The following SNTG2 variants were observed in gnomAD, a reference collection of about 807,000 sequenced individuals.
The protein encoded by SNTG2 is syntrophin gamma 2.
In SNTG2, 74 loss-of-function variants were observed where a neutral mutation model predicts 70.9. That is an observed-to-expected ratio of 1.04 (90% confidence interval 0.86 to 1.27). SNTG2 has a LOEUF of 1.27. SNTG2 is among the 50% of genes most tolerant of loss of function. The probability of loss-of-function intolerance (pLI) is 0.00; values close to 1 mark genes in which losing one functional copy is unlikely to be tolerated. For synonymous variants in SNTG2, 278 were observed against 273.8 expected (o/e 1.02, Z -0.15); for missense variants, 717 against 690.7 (o/e 1.04, Z -0.43).
At chr2:1,366,699 G>A (rs1283822127) in intron 16 of SNTG2, among the ~76,000 whole-genome samples, 3 of 151,816 alleles carry the variant, frequency 2.0e-5, no homozygotes, top group African/African-American at 7.3e-5. Flanking sequence ...CCTATTCTGC[G>A]CCACACAGCA....
At chr2:1,293,297 A>G (rs1680065434) in intron 14 of SNTG2, among the ~76,000 whole-genome samples, 1 of 151,886 alleles carries the variant, frequency 6.6e-6, no homozygotes, top group South Asian at 2.1e-4. Context: ...ATATTTTTGA[A>G]GAATCAAGTT....
chr2:1,219,350 G>A lies in SNTG2; in HGVS notation c.719+10120G>A, dbSNP rs576772671. On this transcript the variant is annotated intron_variant, in intron 9 of 16. Coordinates refer to ENST00000308624, the MANE Select transcript of SNTG2 (RefSeq NM_018968.4). The stretch of plus-strand genomic sequence containing the variant: ...TTCCTTATAAATTATCCAGTCTTGC[G>A]TATTTCTCTATGGCAGTGTGAGAAT... 3.8e-4 allele frequency among the ~76,000 whole-genome samples: 51 copies of A among 135,388 alleles called. 1 individual carries two copies. Among genetic ancestry groups the A allele is most frequent in the Admixed American group, 2.5e-3 (35 of 13,806 alleles). The allele number at this position is 135,388 out of a possible 152,430, so 88.8% of individuals were successfully genotyped here.
In SNTG2 at chr2:1,097,541, C is replaced by T. The variant is rs1665475203; in HGVS notation, c.211-655C>T. On this transcript the variant is annotated intron_variant, in intron 2 of 16. Coordinates refer to ENST00000308624, the MANE Select transcript of SNTG2 (RefSeq NM_018968.4). This position sits in a 1 kb window ranked among gnomAD's most constrained non-coding sequence, Gnocchi z 4.1. ...GTCTACCTGAAGTTGGCAACAGTCG[C>T]ATTCATCAGATTAGACCACAGCAAA... Among the ~76,000 whole-genome samples, 1 of 152,200 alleles carries T rather than the reference C, an allele frequency of 6.6e-6. No homozygotes were observed. The highest frequency in any genetic ancestry group is 2.4e-5 in the African/African-American group (1 of 41,456).
intron 8 of SNTG2, among the ~76,000 whole-genome samples, chr2:1,185,170 C>T (rs1672169332): frequency 6.6e-6 from 1 of 152,224 alleles, no homozygotes; most frequent in South Asian, 2.1e-4. Flanking sequence ...CCATGTCTCA[C>T]ATCCAGGCCA....
intron 14 of SNTG2, among the ~76,000 whole-genome samples, chr2:1,302,216 C>T (rs999283344): frequency 1.3e-5 from 2 of 152,146 alleles, no homozygotes; most frequent in African/African-American, 2.4e-5. Context: ...ACCTCAGCCT[C>T]CCAAGGTGCT....
At chr2:1,167,432 C>T (rs1670799375) in intron 7 of SNTG2, among the ~76,000 whole-genome samples, 1 of 144,060 alleles carries the variant, frequency 6.9e-6, no homozygotes. Context: ...CTAGAAGCCG[C>T]CCACAGACGT....
At chr2:1,048,294 C>A (rs1661856410) in intron 1 of SNTG2, among the ~76,000 whole-genome samples, 1 of 152,126 alleles carries the variant, frequency 6.6e-6, no homozygotes. Context: ...ACTAAGACCT[C>A]CTTATGTGGC....
In SNTG2 at chr2:1,098,219, A is replaced by C. The variant is rs1665520485; in HGVS notation, c.234A>C (p.Arg78Ser). 3 of 1,614,072 alleles carry C rather than the reference A, an allele frequency of 1.9e-6. No individual in the cohort carries two copies. Among genetic ancestry groups the C allele is most frequent in the Non-Finnish European group, 2.5e-6 (3 of 1,179,906 alleles). Residue 78 changes from arginine (R) to serine (S), a missense_variant, in exon 3 of 17, where the codon AGA (arginine) becomes AGC (serine). Transcript: ENST00000308624. ...GRNRRTVTLRRQPVGGLGLSI... is the reference protein window; with the variant it reads ...GRNRRTVTLRSQPVGGLGLSI... Reference sequence around the variant, plus strand: ...AGCGCAGAACTGTTACACTCCGCAGACAGCCAGTTGGCGGCTTGGGCCTGA... The same window carrying C: ...AGCGCAGAACTGTTACACTCCGCAGCCAGCCAGTTGGCGGCTTGGGCCTGA...
chr2:961,541 A>G (rs902600395), intron 1 of SNTG2, among the ~76,000 whole-genome samples: 1 of 152,240 alleles, frequency 6.6e-6, no homozygotes, highest in African/African-American at 2.4e-5. Context: ...TGGTAGGATT[A>G]GCCATTGAAT....
At chr2:1,127,445 G>A (rs966205611) in intron 4 of SNTG2, among the ~76,000 whole-genome samples, 2 of 152,140 alleles carry the variant, frequency 1.3e-5, no homozygotes, top group Non-Finnish European at 2.9e-5. Context: ...GGGGCTTCAT[G>A]TAGTTCTGCG....
chr2:1,281,933 G>T (rs1243641592), intron 14 of SNTG2, among the ~76,000 whole-genome samples: 1 of 152,124 alleles, frequency 6.6e-6, no homozygotes, highest in Non-Finnish European at 1.5e-5. Context: ...AGGTGGATGG[G>T]CTCACGGCCG....
At chr2:1,254,267 G>A (rs973073285) in intron 12 of SNTG2, among the ~76,000 whole-genome samples, 2 of 152,180 alleles carry the variant, frequency 1.3e-5, no homozygotes, top group African/African-American at 4.8e-5. Flanking sequence ...TCTTTCCCAT[G>A]CACCAGGAGA....
intron 1 of SNTG2, among the ~76,000 whole-genome samples, chr2:1,001,846 A>G (rs190011343): frequency 7.8e-4 from 118 of 152,240 alleles, no homozygotes; most frequent in Admixed American, 2.7e-3. Context: ...GAGGTATCAC[A>G]TTACCTGACT....
chr2:1,330,600 C>A (rs1659474011), intron 16 of SNTG2, among the ~76,000 whole-genome samples: 1 of 152,204 alleles, frequency 6.6e-6, no homozygotes, highest in African/African-American at 2.4e-5. Flanking sequence ...TATCAGATTT[C>A]AGGTGGGACA....
intron 1 of SNTG2, among the ~76,000 whole-genome samples, chr2:1,057,560 TTCTG>T (rs1257439159): frequency 1.3e-5 from 2 of 152,198 alleles, no homozygotes; most frequent in African/African-American, 4.8e-5. Context: ...CTTTATGTTT[TTCTG>T]TCTACTTTAT....
At chr2:1,016,018 G>C (rs1052895847) in intron 1 of SNTG2, among the ~76,000 whole-genome samples, 2 of 152,146 alleles carry the variant, frequency 1.3e-5, no homozygotes, top group African/African-American at 4.8e-5. Flanking sequence ...CTGTATACAT[G>C]TGTTATGCTT....
At chr2:1,361,069 G>A (rs1036873849) in intron 16 of SNTG2, among the ~76,000 whole-genome samples, 42 of 152,196 alleles carry the variant, frequency 2.8e-4, no homozygotes, top group African/African-American at 8.9e-4. Context: ...AGTAAACTGC[G>A]TCCTTGGGGC....
intron 8 of SNTG2, among the ~76,000 whole-genome samples, chr2:1,207,660 G>GT (rs1673726831): frequency 6.6e-6 from 1 of 152,208 alleles, no homozygotes; most frequent in Admixed American, 6.5e-5. Flanking sequence ...TAAGCATTGT[G>GT]TAGAGAGTCG....
intron 15 of SNTG2, among the ~76,000 whole-genome samples, chr2:1,309,122 T>C (rs973862962): frequency 2.0e-5 from 3 of 152,222 alleles, no homozygotes; most frequent in Admixed American, 6.5e-5. Flanking sequence ...CTCTCTGTGT[T>C]AATTAAGAAT....
Sources: gnomAD v4.1 joint callset for allele counts (sites outside exome capture counted in the v4.1 genomes callset) on GRCh38, gnomAD v4.1.1 for gene constraint, Gnocchi (gnomAD v3.1) non-coding constraint, MANE v1.5 for transcripts, NCBI Gene and HGNC (gene_info 2026-07-23, HGNC 2026-07-21) for gene names.